Variants in CCDC93 observed in about 807,000 individuals in gnomAD.
CCDC93 encodes CCC complex scaffolding subunit CCDC93, also known as coiled-coil domain-containing protein 93.
Under a neutral mutation model 108.2 loss-of-function variants are expected in CCDC93, and 61 were observed. The ratio of observed to expected loss-of-function variants is 0.56; its 90% CI spans 0.46 to 0.70. The LOEUF (loss-of-function observed/expected upper bound fraction) is 0.70, where lower values mean the gene tolerates loss of function less well. Ranked by LOEUF, CCDC93 falls within the 30% of genes least tolerant of loss-of-function variation. The probability of loss-of-function intolerance (pLI) is 0.00; values close to 1 mark genes in which losing one functional copy is unlikely to be tolerated. For synonymous variants in CCDC93, 276 were observed against 260.4 expected, an observed-to-expected ratio of 1.06 and a Z score of -0.58; for missense variants, 685 against 764.2, an observed-to-expected ratio of 0.90 and a Z score of 1.22.
At chr2:117,953,089 T>A (rs962918068) in intron 12 of CCDC93, among the ~76,000 whole-genome samples, 2 of 152,376 alleles carry the variant, frequency 1.3e-5, no homozygotes. Context: ...TTCCTTTAAA[T>A]GCTCAAAAGG....
rs750776665 is a variant in CCDC93, at chr2:117,946,880, C to G, written c.1227G>C (p.Glu409Asp). 1 of 1,610,550 alleles carries G rather than the reference C, an allele frequency of 6.2e-7. No individual in the cohort carries two copies. The highest frequency in any genetic ancestry group is 8.5e-7 in the Non-Finnish European group (1 of 1,176,712). The stretch of plus-strand genomic sequence containing the variant: ...TTTCTTGCTGTAGTCGTGTCATCTC[C>G]TCCTTTAAAAGTGACATGAACTTTT... ...QEQEFKAHCR[E>D]EMTRLQQEIE... is the part of the protein sequence containing the mutation. The change falls in exon 16 of 24, where the codon GAG becomes GAC. Residue 409 changes from glutamate (E) to aspartate (D), a missense_variant and splice_region_variant. By Grantham distance (45) the Glu-to-Asp change is conservative. Transcript: ENST00000376300.
chr2:118,000,362 A>C (rs1193223928), intron 4 of CCDC93: 1 of 153,212 alleles, frequency 6.5e-6, no homozygotes, highest in Non-Finnish European at 1.5e-5. Context: ...TGAATTAAAC[A>C]GGTAAGGAGA....
In CCDC93 at chr2:117,951,177, C is replaced by T. The variant is rs1008361959; in HGVS notation, c.1068+1196G>A. 3 of 985,186 alleles carry T rather than the reference C, an allele frequency of 3.0e-6. No homozygotes were observed. The Admixed American group carries it at 1.8e-4, about 61-fold the overall frequency. 61.0% of individuals were successfully genotyped at this position (985,186 alleles called of 1,614,324 possible). A position where few individuals can be genotyped will look rare whatever the true frequency, so the allele number is the denominator to read the frequency against. On this transcript the variant is annotated intron_variant, in intron 13 of 23. Coordinates refer to ENST00000376300, the MANE Select transcript of CCDC93 (RefSeq NM_019044.5). ...TTCAGATTATTATACAAAGACAGAT[C>T]CACGAATTGGCAAACTTCATGCCAG...
intron 23 of CCDC93, among the ~76,000 whole-genome samples, chr2:117,925,125 T>TA (rs1470404624): frequency 1.3e-5 from 2 of 152,134 alleles, no homozygotes; most frequent in African/African-American, 4.8e-5. Context: ...AAGGAAGCAC[T>TA]AAACATGGAA....
At chr2:117,956,582 T>C (rs1376736778) in intron 12 of CCDC93, among the ~76,000 whole-genome samples, 1 of 152,146 alleles carries the variant, frequency 6.6e-6, no homozygotes, top group Non-Finnish European at 1.5e-5. Context: ...CTGTGATGAG[T>C]TCTTTTTGAA....
chr2:117,955,718 A>G (rs1679196411), intron 12 of CCDC93, among the ~76,000 whole-genome samples: 1 of 152,226 alleles, frequency 6.6e-6, no homozygotes, highest in Admixed American at 6.5e-5. Context: ...TTAATTTTAT[A>G]AAGCACATAG....
intron 19 of CCDC93, among the ~76,000 whole-genome samples, chr2:117,939,389 C>T (rs1231634753): frequency 6.6e-6 from 1 of 152,176 alleles, no homozygotes; most frequent in Non-Finnish European, 1.5e-5. Flanking sequence ...TTACCTCATC[C>T]AGCCAAAGAA....
intron 7 of CCDC93, among the ~76,000 whole-genome samples, chr2:117,980,910 T>G (rs1374331083): frequency 6.6e-6 from 1 of 152,194 alleles, no homozygotes; most frequent in African/African-American, 2.4e-5. Flanking sequence ...CTCTATGGAT[T>G]TGCTAATTCT....
chr2:117,933,569 G>A (rs1358699985), intron 22 of CCDC93, among the ~76,000 whole-genome samples: 3 of 152,010 alleles, frequency 2.0e-5, no homozygotes, highest in Admixed American at 6.6e-5. Flanking sequence ...ACACCTATTC[G>A]GTCATTGTTA....
At chr2:117,941,403 G>T in intron 18 of CCDC93, 106 bp from the exon 19 acceptor site, 1 of 771,924 alleles carries the variant, frequency 1.3e-6, no homozygotes, top group African/African-American at 1.7e-5. Flanking sequence ...CCAACCATGC[G>T]CCCTACAATG....
chr2:117,986,156 TTC>T (rs1680312281), intron 6 of CCDC93, 87 bp from the exon 7 acceptor site: 16 of 558,026 alleles, frequency 2.9e-5, no homozygotes, highest in African/African-American at 1.0e-4. Context: ...ATGGGGTATA[TTC>T]TCTTTTTTTT....
At chr2:117,947,827 G>A (rs950000071) in intron 15 of CCDC93, among the ~76,000 whole-genome samples, 1 of 151,724 alleles carries the variant, frequency 6.6e-6, no homozygotes, top group Non-Finnish European at 1.5e-5. Flanking sequence ...CCGAGTAGCT[G>A]GGACTACAGG....
At chr2:118,008,335 G>C (rs1676933390) in intron 2 of CCDC93, among the ~76,000 whole-genome samples, 1 of 152,158 alleles carries the variant, frequency 6.6e-6, no homozygotes, top group African/African-American at 2.4e-5. Flanking sequence ...AAAGCTTTGT[G>C]CACAGAAAAG....
In CCDC93 at chr2:117,974,488, C is replaced by T. The variant is rs1679868270; in HGVS notation, c.801+362G>A. The stretch of plus-strand genomic sequence containing the variant: ...AGGCTTTGAGCTCTGGAAAGACCAA[C>T]TATAATCTCAAAATCCCGCTTCCTA... On this transcript the variant is annotated intron_variant, in intron 10 of 23. Transcript: ENST00000376300. Among the ~76,000 whole-genome samples, 3 of 152,168 alleles carry T rather than the reference C, an allele frequency of 2.0e-5. No homozygotes were observed. The South Asian group carries it at 6.2e-4, about 32-fold the overall frequency.
At chr2:117,962,838 A>T (rs1191425258) in intron 11 of CCDC93, among the ~76,000 whole-genome samples, 1 of 152,180 alleles carries the variant, frequency 6.6e-6, no homozygotes, top group Non-Finnish European at 1.5e-5. Flanking sequence ...GATGATCACA[A>T]GCTTTGATTT....
intron 8 of CCDC93, among the ~76,000 whole-genome samples, chr2:117,976,264 G>A (rs1679940863): frequency 6.6e-6 from 1 of 152,030 alleles, no homozygotes; most frequent in South Asian, 2.1e-4. Context: ...CTATTTCAGG[G>A]ACATCTCATG....
chr2:118,006,643 A>C (rs1468428359), intron 3 of CCDC93, 79 bp downstream of exon 3: 7 of 808,216 alleles, frequency 8.7e-6, no homozygotes, highest in Admixed American at 2.0e-5. Flanking sequence ...AAAGTGTCCA[A>C]CCAACTTCTG....
At chr2:117,994,606 G>C (rs540385835) in intron 6 of CCDC93, among the ~76,000 whole-genome samples, 1 of 152,256 alleles carries the variant, frequency 6.6e-6, no homozygotes, top group South Asian at 2.1e-4. Flanking sequence ...TCTGTAGGCA[G>C]TTCACAAAGC....
rs1309336420 is a variant in CCDC93 at position 117,975,329 on chromosome 2, G to A, written c.658-49C>T. Reference sequence around the variant, plus strand: ...GCTGAGCACGGGAGATGGAGACTCAGTAGAGAAAGGACAATACTGACAAGA... The same window carrying A: ...GCTGAGCACGGGAGATGGAGACTCAATAGAGAAAGGACAATACTGACAAGA... On this transcript the variant is annotated intron_variant, in intron 8 of 23. Transcript: ENST00000376300. The A allele has an allele frequency of 3.7e-6, 5 of 1,334,278 alleles. No individual in the cohort carries two copies. In the South Asian group the frequency reaches 4.7e-5, roughly 13 times the overall value. The allele number at this position is 1,334,278 out of a possible 1,614,324, so 82.7% of individuals were successfully genotyped here.
Sources: gnomAD v4.1 joint callset for allele counts (sites outside exome capture counted in the v4.1 genomes callset) on GRCh38, gnomAD v4.1.1 for gene constraint, MANE v1.5 for transcripts, NCBI Gene and HGNC (gene_info 2026-07-23, HGNC 2026-07-21) for gene names.